Variants in DNM3 observed in about 807,000 individuals in gnomAD.
DNM3 encodes the protein dynamin-3.
DNM3 carries 47 observed loss-of-function variants against 101.6 expected under a neutral mutation model. The ratio of observed to expected loss-of-function variants is 0.46; its 90% CI spans 0.37 to 0.59. The LOEUF (loss-of-function observed/expected upper bound fraction) is 0.59. Ranked by LOEUF, DNM3 falls within the 20% of genes least tolerant of loss-of-function variation. The probability of loss-of-function intolerance (pLI) is 0.00; values close to 1 mark genes in which losing one functional copy is unlikely to be tolerated. For missense variants in DNM3, 849 were observed against 1,085.7 expected (o/e 0.78, Z 3.06); for synonymous variants, 385 against 387.9 (o/e 0.99, Z 0.09).
intron 2 of DNM3, among the ~76,000 whole-genome samples, chr1:171,976,132 G>C (rs1037367359): frequency 6.6e-6 from 1 of 152,188 alleles, no homozygotes. Context: ...GTGGAGAAAT[G>C]GTAGTCTTTC....
chr1:172,344,180 C>G (rs767099359), intron 17 of DNM3, among the ~76,000 whole-genome samples: 1 of 152,148 alleles, frequency 6.6e-6, no homozygotes, highest in Non-Finnish European at 1.5e-5. Flanking sequence ...CTGAAAGTGA[C>G]TTACATAATT....
chr1:171,955,708 T>A (rs1204334190), intron 2 of DNM3, among the ~76,000 whole-genome samples: 2 of 152,146 alleles, frequency 1.3e-5, no homozygotes, highest in Admixed American at 6.5e-5. Context: ...GATGCCTAAG[T>A]TGAATCTTAA....
intron 14 of DNM3, among the ~76,000 whole-genome samples, chr1:172,210,979 A>G (rs1263367136): frequency 6.6e-6 from 1 of 152,116 alleles, no homozygotes; most frequent in Admixed American, 6.6e-5. Flanking sequence ...CTCAAAACAA[A>G]AATTCTGACA....
chr1:172,190,715 G>A (rs1231891947), intron 14 of DNM3, among the ~76,000 whole-genome samples: 7 of 152,100 alleles, frequency 4.6e-5, no homozygotes, highest in African/African-American at 7.2e-5. Flanking sequence ...ATTCTAACTG[G>A]TGTGAGATGG....
intron 4 of DNM3, among the ~76,000 whole-genome samples, chr1:171,992,458 A>C (rs1168840191): frequency 1.3e-5 from 2 of 152,174 alleles, no homozygotes; most frequent in African/African-American, 4.8e-5. Context: ...ATGTCATTTT[A>C]TGCCACAAAT....
intron 2 of DNM3, among the ~76,000 whole-genome samples, chr1:171,936,386 C>T (rs143892830): frequency 0.014 from 1,812 of 129,474 alleles, 14 homozygotes; most frequent in Middle Eastern, 0.021. Context: ...TTACTGTTGG[C>T]GGGTTATAAC....
chr1:171,933,897 GT>G (rs1252049389), intron 2 of DNM3, among the ~76,000 whole-genome samples: 1 of 152,182 alleles, frequency 6.6e-6, no homozygotes, highest in Admixed American at 6.5e-5. Flanking sequence ...GTGGGCAGCT[GT>G]GGTTATGTCT....
At chr1:171,867,597 T>A (rs893040891) in intron 1 of DNM3, among the ~76,000 whole-genome samples, 1 of 152,232 alleles carries the variant, frequency 6.6e-6, no homozygotes, top group Non-Finnish European at 1.5e-5. Context: ...GTATTGTCAC[T>A]CATAAATTTT....
At chr1:172,056,276 G>A (rs1296104574) in intron 10 of DNM3, among the ~76,000 whole-genome samples, 2 of 152,194 alleles carry the variant, frequency 1.3e-5, no homozygotes, top group African/African-American at 4.8e-5. Context: ...AGGGGCACCC[G>A]ACATTGCCCA....
chr1:171,886,860 T>G (rs943598406), intron 1 of DNM3, among the ~76,000 whole-genome samples: 5 of 152,196 alleles, frequency 3.3e-5, no homozygotes, highest in African/African-American at 1.2e-4. Context: ...GCCAACTTTT[T>G]TTTTGTGAGT....
chr1:172,164,683 T>C (rs1017395069), intron 14 of DNM3, among the ~76,000 whole-genome samples: 1 of 151,974 alleles, frequency 6.6e-6, no homozygotes, highest in African/African-American at 2.4e-5. Context: ...CACATGACGG[T>C]GTAAACCAGA....
chr1:171,981,077 C>A (rs2044756615), intron 2 of DNM3, among the ~76,000 whole-genome samples: 1 of 152,064 alleles, frequency 6.6e-6, no homozygotes, highest in Admixed American at 6.5e-5. Context: ...TACAGATGTT[C>A]TTTACTCTAA....
chr1:172,028,619 G>A (rs1434078654), intron 4 of DNM3, among the ~76,000 whole-genome samples: 1 of 152,122 alleles, frequency 6.6e-6, no homozygotes, highest in African/African-American at 2.4e-5. Context: ...AAAAATCAAT[G>A]AATCCAGGAG....
chr1:172,158,870 G>A (rs1244238798), intron 14 of DNM3, among the ~76,000 whole-genome samples: 1 of 151,988 alleles, frequency 6.6e-6, no homozygotes, highest in Non-Finnish European at 1.5e-5. Context: ...AAGCATTATG[G>A]CTTAATAAAT....
intron 12 of DNM3, among the ~76,000 whole-genome samples, chr1:172,091,399 G>A (rs968044805): frequency 2.0e-5 from 3 of 152,196 alleles, no homozygotes; most frequent in Non-Finnish European, 2.9e-5. Context: ...TGATAGTCTT[G>A]GAGGAAGGGA....
chr1:171,921,920 C>T (rs529811534), intron 2 of DNM3, 99 bp downstream of exon 2: 12 of 1,043,488 alleles, frequency 1.1e-5, no homozygotes, highest in South Asian at 5.9e-5. Flanking sequence ...TTTTTGTGAT[C>T]GCCCCACTGT....
intron 17 of DNM3, among the ~76,000 whole-genome samples, chr1:172,325,511 C>T (rs927180705): frequency 4.9e-5 from 7 of 141,562 alleles, no homozygotes; most frequent in African/African-American, 2.0e-4. Flanking sequence ...GATCATTATA[C>T]TGACCATAGA....
chr1:172,106,844 A>ATTTTTTTTTTTTTTTTTTTTT (rs1289662689), intron 13 of DNM3, among the ~76,000 whole-genome samples: 3 of 51,060 alleles, frequency 5.9e-5, no homozygotes, highest in African/African-American at 2.0e-4. Flanking sequence ...AGGTAACATT[A>ATTTTTTTTTTTTTTTTTTTTT]TTCTTTTTTT....
intron 15 of DNM3, among the ~76,000 whole-genome samples, chr1:172,308,322 C>T (rs1312081162): frequency 6.6e-6 from 1 of 152,070 alleles, no homozygotes; most frequent in Non-Finnish European, 1.5e-5. Context: ...AAGATTATTG[C>T]CGTGCATCTT....
Sources: allele counts gnomAD v4.1 joint callset (sites outside exome capture counted in the v4.1 genomes callset), GRCh38; gene constraint gnomAD v4.1.1; transcripts MANE v1.5; gene names NCBI Gene and HGNC (gene_info 2026-07-23, HGNC 2026-07-21).